Variants in GRAMD4 observed in about 807,000 individuals in gnomAD.
The protein encoded by GRAMD4 is GRAM domain-containing protein 4.
In GRAMD4, 25 loss-of-function variants were observed where a neutral mutation model predicts 83.9. The observed-to-expected ratio is 0.30, with a 90% confidence interval of 0.22 to 0.42. GRAMD4 has a LOEUF of 0.42. GRAMD4 is among the 10% of genes least tolerant of loss of function. GRAMD4 has a pLI of 1.00. For synonymous variants in GRAMD4, 336 were observed against 320.9 expected (o/e 1.05, Z -0.50); for missense variants, 593 against 788.7 (o/e 0.75, Z 2.97).
intron 1 of GRAMD4, among the ~76,000 whole-genome samples, chr22:46,599,381 C>T (rs1010312810): frequency 3.3e-5 from 5 of 151,816 alleles, no homozygotes; most frequent in African/African-American, 7.3e-5. Context: ...TGCAGTGTCA[C>T]GATCTTGGCT....
chr22:46,629,519 C>A (rs2081733609), intron 2 of GRAMD4, among the ~76,000 whole-genome samples: 1 of 152,292 alleles, frequency 6.6e-6, no homozygotes, highest in South Asian at 2.1e-4. Flanking sequence ...GGGGGCTGTG[C>A]AGCGTTGCCC....
intron 3 of GRAMD4, 102 bp from the exon 4 acceptor site, chr22:46,658,085 A>G: frequency 7.2e-7 from 1 of 1,380,602 alleles, no homozygotes; most frequent in South Asian, 1.2e-5. Flanking sequence ...CGGAGCAGAG[A>G]CCCCTCTGCT....
intron 1 of GRAMD4, among the ~76,000 whole-genome samples, chr22:46,611,763 G>A (rs1410115384): frequency 6.6e-6 from 1 of 151,716 alleles, no homozygotes. Flanking sequence ...GGCCGAGGTG[G>A]GTGGATCACG....
chr22:46,600,411 A>ATGT (rs2081301430), intron 1 of GRAMD4, among the ~76,000 whole-genome samples: 7 of 152,130 alleles, frequency 4.6e-5, no homozygotes, highest in Admixed American at 2.6e-4. Flanking sequence ...CCTTCTTCTG[A>ATGT]CGTGGTGCTT....
chr22:46,587,823 T>G, intron 1 of GRAMD4: 3 of 783,078 alleles, frequency 3.8e-6, no homozygotes, highest in Non-Finnish European at 4.7e-6. Context: ...GTGGCAGATG[T>G]TTGGTGGAGA....
At chr22:46,673,130 T>TA (rs202245957) in intron 14 of GRAMD4, 133 bp downstream of exon 14, 86,438 of 768,970 alleles carry the variant, frequency 0.11, 5,360 homozygotes, top group Middle Eastern at 0.18. Flanking sequence ...CTCCTTAAAC[T>TA]TGAGGGTTTT....
At chr22:46,676,551 C>T in intron 17 of GRAMD4, 49 bp from the exon 18 acceptor site, 1 of 1,516,604 alleles carries the variant, frequency 6.6e-7, no homozygotes, top group Non-Finnish European at 8.9e-7. Context: ...GGCTGTGCCT[C>T]CCTGTCCCCA....
chr22:46,625,841 G>C (rs2081649728), intron 1 of GRAMD4, among the ~76,000 whole-genome samples: 1 of 152,268 alleles, frequency 6.6e-6, no homozygotes, highest in Admixed American at 6.5e-5. Context: ...GTGGGGAGCA[G>C]TACCCCACGG....
chr22:46,616,239 C>T (rs1379706619), upstream of GRAMD4, among the ~76,000 whole-genome samples: 4 of 31,980 alleles, frequency 1.3e-4, no homozygotes, highest in African/African-American at 3.9e-4. Context: ...TTCCCCTGTG[C>T]GTGTAGGTTC....
upstream of GRAMD4, among the ~76,000 whole-genome samples, chr22:46,576,610 G>T (rs899477220): frequency 2.6e-5 from 4 of 152,222 alleles, no homozygotes; most frequent in African/African-American, 9.6e-5. Context: ...GCTGCGTCCC[G>T]TACAGCGCGG....
rs1665591026 is a variant in GRAMD4, at chr22:46,679,393, G to A, written c.*2142G>A. ...ACATTCGGGGAGCGGGGGGTCGGGGGAGGGCCACCGACTGGCTCTGCTGCC... is the reference window on the plus strand; with the variant it reads ...ACATTCGGGGAGCGGGGGGTCGGGGAAGGGCCACCGACTGGCTCTGCTGCC... On this transcript the variant is annotated 3_prime_UTR_variant, in exon 19 of 19. Coordinates refer to ENST00000406902, the MANE Select transcript of GRAMD4 (RefSeq NM_015124.5). 1 of 985,338 alleles carries A rather than the reference G, an allele frequency of 1.0e-6. No individual in the cohort carries two copies. Among genetic ancestry groups the A allele is most frequent in the African/African-American group, 1.7e-5 (1 of 57,226 alleles). The allele number at this position is 985,338 out of a possible 1,614,324, so 61.0% of individuals were successfully genotyped here. A position where few individuals can be genotyped will look rare whatever the true frequency, so the allele number is the denominator to read the frequency against.
chr22:46,682,526 T>A, downstream of GRAMD4: 1 of 772,628 alleles, frequency 1.3e-6, no homozygotes, highest in Non-Finnish European at 1.6e-6. Flanking sequence ...CCCTCGGGAC[T>A]GCGACGAGGG....
At chr22:46,592,438 C>T (rs952812648) in intron 1 of GRAMD4, among the ~76,000 whole-genome samples, 2 of 150,466 alleles carry the variant, frequency 1.3e-5, no homozygotes, top group African/African-American at 4.9e-5. Context: ...AGGGAGGAGG[C>T]CCTGTTTCCA....
intron 1 of GRAMD4, chr22:46,587,955 G>A (rs2081167488): frequency 1.0e-6 from 1 of 985,198 alleles, no homozygotes; most frequent in African/African-American, 1.7e-5. Context: ...GTTGGCAAAA[G>A]GCCTGAGGGT....
intron 1 of GRAMD4, among the ~76,000 whole-genome samples, chr22:46,599,374 A>G (rs1467842343): frequency 6.6e-6 from 1 of 151,586 alleles, no homozygotes; most frequent in Non-Finnish European, 1.5e-5. Flanking sequence ...GCTAGAGTGC[A>G]GTGTCACGAT....
At chr22:46,631,010 G>A (rs777434331) in intron 2 of GRAMD4, among the ~76,000 whole-genome samples, 3 of 152,034 alleles carry the variant, frequency 2.0e-5, no homozygotes, top group Admixed American at 6.5e-5. Context: ...CGGCCTCCAC[G>A]CTGTTCTCAG....
chr22:46,635,564 C>T (rs2081863898), intron 2 of GRAMD4, among the ~76,000 whole-genome samples: 4 of 100,618 alleles, frequency 4.0e-5, no homozygotes, highest in Admixed American at 1.0e-4. Context: ...CCTCCCTGCC[C>T]CCGCCCCCGG....
chr22:46,597,763 A>G (rs1453501886), intron 1 of GRAMD4, among the ~76,000 whole-genome samples: 2 of 152,326 alleles, frequency 1.3e-5, no homozygotes, highest in African/African-American at 4.8e-5. Flanking sequence ...TGCTGGGATT[A>G]CAGGCATGAG....
At chr22:46,598,549 T>C (rs547896032) in intron 1 of GRAMD4, among the ~76,000 whole-genome samples, 1 of 152,016 alleles carries the variant, frequency 6.6e-6, no homozygotes, top group African/African-American at 2.4e-5. Flanking sequence ...GGTTACCGGC[T>C]TGATTTGCTG....
Sources: allele counts gnomAD v4.1 joint callset (sites outside exome capture counted in the v4.1 genomes callset), GRCh38; gene constraint gnomAD v4.1.1; transcripts MANE v1.5; gene names NCBI Gene and HGNC (gene_info 2026-07-23, HGNC 2026-07-21).